Variants in HDGF observed in about 807,000 individuals in gnomAD.
HDGF encodes the protein hepatoma-derived growth factor.
Under a neutral mutation model 30.0 loss-of-function variants are expected in HDGF, and 5 were observed. That is an observed-to-expected ratio of 0.17 (90% confidence interval 0.09 to 0.35). The LOEUF (loss-of-function observed/expected upper bound fraction) is 0.35, where lower values mean the gene tolerates loss of function less well. Among genes scored for constraint, HDGF ranks in the 10% least tolerant of loss-of-function variants. HDGF has a pLI of 1.00. For synonymous variants in HDGF, 133 were observed against 112.7 expected, an observed-to-expected ratio of 1.18 and a Z score of -1.14; for missense variants, 214 against 302.8, an observed-to-expected ratio of 0.71 and a Z score of 2.18.
At chr1:156,743,601 G>A (rs1299502231) in intron 5 of HDGF, 51 bp downstream of exon 5, 2 of 1,557,800 alleles carry the variant, frequency 1.3e-6, no homozygotes, top group Non-Finnish European at 1.8e-6. Context: ...TTCTCCGAGA[G>A]TGGCCGGTCC....
At chr1:156,763,581 CA>C (rs1419357080) in intron 1 of HDGF, among the ~76,000 whole-genome samples, 1 of 148,630 alleles carries the variant, frequency 6.7e-6, no homozygotes, top group Non-Finnish European at 1.5e-5. Flanking sequence ...GTACCAGTTA[CA>C]AATTTCTTTT....
Position 156,745,012 on chromosome 1 carries a change from T to G in HDGF, c.299A>C (p.Tyr100Ser). Residue 100 changes from tyrosine to serine, a missense_variant, in exon 3 of 6, where the codon TAT becomes TCT. By Grantham distance (144) the Tyr-to-Ser change is moderately radical (BLOSUM62 -2). Around this residue, in one of 2 missense-constraint regions of HDGF, gnomAD observed 176 missense variants for 211.7 expected, o/e 0.83. Transcript: ENST00000357325. ...CTGGGGCAGGCGGTGGCTCACCTGA[T>G]AGCCGGAAGCCTTGACAGTAGGGTT... ...ENNPTVKASG[Y>S]QSSQKKSCVE... 1 of 1,614,012 alleles carries G rather than the reference T, an allele frequency of 6.2e-7. No homozygotes were observed. Among genetic ancestry groups the G allele is most frequent in the Non-Finnish European group, 8.5e-7 (1 of 1,179,980 alleles).
At chr1:156,756,251 CAATA>C (rs538566857), upstream of HDGF, among the ~76,000 whole-genome samples, 131 of 151,840 alleles carry the variant, frequency 8.6e-4, no homozygotes, top group African/African-American at 3.0e-3. Flanking sequence ...GACTAGGTCT[CAATA>C]AATAAATAAA....
At chr1:156,746,584 G>A (rs942382701) in intron 1 of HDGF, among the ~76,000 whole-genome samples, 1 of 152,198 alleles carries the variant, frequency 6.6e-6, no homozygotes, top group Non-Finnish European at 1.5e-5. Flanking sequence ...CCCGTGGTGA[G>A]AAGCGCTGTG....
In HDGF at chr1:156,743,101, G is replaced by C. The variant is rs1412856058; in HGVS notation, c.*348C>G. Reference sequence around the variant, plus strand: ...ACCCAGAGGTCCAGAATGCCTAGGAGAGTGGGAGAAGGGTGTCAGGAGGTG... The same window carrying C: ...ACCCAGAGGTCCAGAATGCCTAGGACAGTGGGAGAAGGGTGTCAGGAGGTG... On this transcript the variant is annotated 3_prime_UTR_variant, in exon 6 of 6. Coordinates refer to ENST00000357325, the MANE Select transcript of HDGF (RefSeq NM_004494.3). The C allele has an allele frequency of 4.1e-6, 1 of 244,746 alleles. No homozygotes were observed. The highest frequency in any genetic ancestry group is 7.9e-6 in the Non-Finnish European group (1 of 127,364). The allele number at this position is 244,746 out of a possible 1,614,324, so 15.2% of individuals were successfully genotyped here.
In HDGF at chr1:156,746,503, C is replaced by A. The variant is rs185532380; in HGVS notation, c.88-1130G>T. ...TGAGCCCAGAAAACAAGTGATTTGC[C>A]CAAAATAACATAGCAAGTTGTTGAG... On this transcript the variant is annotated intron_variant, in intron 1 of 5. Transcript: ENST00000357325. 5.1e-3 allele frequency among the ~76,000 whole-genome samples: 779 copies of A among 152,288 alleles called. 3 individuals are homozygous for A. The highest frequency in any genetic ancestry group is 9.4e-3 in the Non-Finnish European group (640 of 68,016).
chr1:156,762,874 A>G (rs909261436), intron 1 of HDGF, among the ~76,000 whole-genome samples: 4 of 93,302 alleles, frequency 4.3e-5, no homozygotes, highest in Non-Finnish European at 1.0e-4. Context: ...CTCCGTCTCA[A>G]AAAAAAAAAA....
chr1:156,760,955 C>G (rs1048615926), intron 1 of HDGF, among the ~76,000 whole-genome samples: 1 of 151,476 alleles, frequency 6.6e-6, no homozygotes, highest in Non-Finnish European at 1.5e-5. Flanking sequence ...GCACTTTGAG[C>G]GGCTGAGGCA....
At chr1:156,751,811 G>A, upstream of HDGF, 2 of 956,602 alleles carry the variant, frequency 2.1e-6, no homozygotes, top group South Asian at 3.3e-5. The surrounding 1 kb of genome is among the most constrained non-coding windows in gnomAD (Gnocchi z 4.7). Context: ...CTCCCGCGGC[G>A]GTTTGATGCG....
upstream of HDGF, among the ~76,000 whole-genome samples, chr1:156,753,762 C>T (rs910399092): frequency 6.7e-6 from 1 of 149,654 alleles, no homozygotes; most frequent in Admixed American, 6.7e-5. Flanking sequence ...TGTTGGTCAG[C>T]CTGGTTTCGA....
At chr1:156,757,870 A>C (rs961558454) in intron 2 of HDGF, among the ~76,000 whole-genome samples, 2 of 152,222 alleles carry the variant, frequency 1.3e-5, no homozygotes, top group Admixed American at 6.5e-5. Flanking sequence ...CCACATTGCA[A>C]GTGTTCAGTG....
At chr1:156,745,236 C>T (rs1471208434) in intron 2 of HDGF, 61 bp downstream of exon 2, 10 of 1,609,880 alleles carry the variant, frequency 6.2e-6, no homozygotes. Context: ...CACCACCTCA[C>T]CTTCCCCAGA....
Position 156,745,362 on chromosome 1 carries a change from C to T in HDGF, c.99G>A (p.Met33Ile), listed in dbSNP as rs777519088. The T allele has an allele frequency of 3.1e-6, 5 of 1,613,790 alleles. No individual in the cohort carries two copies. Among genetic ancestry groups the T allele is most frequent in the Non-Finnish European group, 3.4e-6 (4 of 1,179,862 alleles). Residue 33 changes from methionine (M) to isoleucine (I), a missense_variant, in exon 2 of 6, where the codon ATG becomes ATA. Coordinates refer to ENST00000357325, the MANE Select transcript of HDGF (RefSeq NM_004494.3). Reference protein sequence around the residue: ...YPHWPARIDEMPEAAVKSTAN... With the variant: ...YPHWPARIDEIPEAAVKSTAN... The stretch of plus-strand genomic sequence containing the variant: ...CTGTTGATTTCACGGCAGCCTCAGG[C>T]ATCTCGTCAATCTGGGGTGAGATGA...
chr1:156,745,258 G>A (rs776499304), intron 2 of HDGF, 39 bp downstream of exon 2: 280 of 1,610,176 alleles, frequency 1.7e-4, no homozygotes, highest in Non-Finnish European at 2.1e-4. Context: ...TAGTCCTCCC[G>A]GGGCCCTCCC....
At chr1:156,765,922 T>C (rs1370113075) in intron 1 of HDGF, among the ~76,000 whole-genome samples, 1 of 152,190 alleles carries the variant, frequency 6.6e-6, no homozygotes, top group Non-Finnish European at 1.5e-5. Flanking sequence ...AGGTAGGACT[T>C]GATGGTCTAG....
rs140207837 is a variant in HDGF at position 156,748,361 on chromosome 1, C to T, written c.87+2982G>A. On this transcript the variant is annotated intron_variant, in intron 1 of 5. Coordinates refer to ENST00000357325, the MANE Select transcript of HDGF (RefSeq NM_004494.3). ...CTCAGGGCAGCCCTGTACCCCAATA[C>T]AGACATCTGTCTTCCAGGTGGTGCC... is the stretch of plus-strand genomic sequence containing the variant. 6.2e-3 allele frequency among the ~76,000 whole-genome samples: 941 copies of T among 152,322 alleles called. 6 individuals carry two copies. The highest frequency in any genetic ancestry group is 9.8e-3 in the Non-Finnish European group (669 of 68,028).
rs771415808 is a variant in HDGF, at chr1:156,751,408, T to C, written c.22A>G (p.Lys8Glu). The change falls in exon 1 of 6, where the codon AAG (lysine) becomes GAG (glutamate). Residue 8 changes from lysine (K) to glutamate (E), a missense_variant. Lys to Glu is a moderately conservative substitution (Grantham distance 56). This residue lies in a region of HDGF where 38 missense variants were observed against 91.1 expected (regional missense o/e 0.42). Coordinates refer to ENST00000357325, the MANE Select transcript of HDGF (RefSeq NM_004494.3). The surrounding 1 kb of genome is among the most constrained non-coding windows in gnomAD (Gnocchi z 4.7). MSRSNRQ[K>E]EYKCGDLVFA... Reference sequence around the variant, plus strand: ...ACCAGGTCCCCGCATTTGTACTCCTTCTGCCGGTTGGATCGCGACATGGCG... The same window carrying C: ...ACCAGGTCCCCGCATTTGTACTCCTCCTGCCGGTTGGATCGCGACATGGCG... The C allele has an allele frequency of 8.1e-6, 13 of 1,597,548 alleles. No homozygotes were observed. Among genetic ancestry groups the C allele is most frequent in the Non-Finnish European group, 1.1e-5 (13 of 1,171,858 alleles).
At chr1:156,761,127 A>G (rs1047402056) in intron 1 of HDGF, among the ~76,000 whole-genome samples, 1 of 151,866 alleles carries the variant, frequency 6.6e-6, no homozygotes, top group East Asian at 1.9e-4. Flanking sequence ...AGCCTGGCTA[A>G]CTTGGTGAAC....
At chr1:156,755,144 TTC>T (rs1380327132), upstream of HDGF, among the ~76,000 whole-genome samples, 1 of 152,192 alleles carries the variant, frequency 6.6e-6, no homozygotes, top group Admixed American at 6.5e-5. Context: ...AGTGAAATGA[TTC>T]TGTTGATGCT....
Sources: allele counts gnomAD v4.1 joint callset (sites outside exome capture counted in the v4.1 genomes callset), GRCh38; gene constraint gnomAD v4.1.1; regional missense constraint gnomAD v4.1.1; non-coding constraint Gnocchi (gnomAD v3.1); transcripts MANE v1.5; gene names NCBI Gene and HGNC (gene_info 2026-07-23, HGNC 2026-07-21).